The following PCSK2 variants were observed in gnomAD, a reference collection of about 807,000 sequenced individuals.
PCSK2 encodes neuroendocrine convertase 2.
PCSK2 carries 14 observed loss-of-function variants against 69.7 expected under a neutral mutation model. That is an observed-to-expected ratio of 0.20 (90% CI 0.13 to 0.31). The LOEUF is 0.31. Ranked by LOEUF, PCSK2 falls within the 10% of genes least tolerant of loss-of-function variation. PCSK2 has a pLI of 1.00. For missense variants in PCSK2, 544 were observed against 842.5 expected (o/e 0.65, Z 4.39); for synonymous variants, 307 against 320.7 (o/e 0.96, Z 0.46).
rs1316357570 is a variant in PCSK2 at position 17,482,736 on chromosome 20, G to A, written c.*666G>A. The A allele has an allele frequency of 1.3e-5, 2 of 152,470 alleles. No homozygotes were observed. The highest frequency in any genetic ancestry group is 2.9e-5 in the Non-Finnish European group (2 of 68,044). The allele number at this position is 152,470 out of a possible 1,614,324, so 9.4% of individuals were successfully genotyped here. On this transcript the variant is annotated 3_prime_UTR_variant, in exon 12 of 12. Transcript: ENST00000262545. ...CAAGATAATTCACTCTACTCAGCCG[G>A]CGTGGCAAATATAAAACTTACAGAG...
chr20:17,294,518 A>G (rs988838940), intron 2 of PCSK2, among the ~76,000 whole-genome samples: 1 of 152,064 alleles, frequency 6.6e-6, no homozygotes, highest in African/African-American at 2.4e-5. Flanking sequence ...CTGCCCTCAC[A>G]CATGAAGGTT....
At chr20:17,258,059 C>T (rs911761367) in intron 1 of PCSK2, among the ~76,000 whole-genome samples, 1 of 152,186 alleles carries the variant, frequency 6.6e-6, no homozygotes, top group Non-Finnish European at 1.5e-5. Context: ...ACAACAAATC[C>T]TATAAATGGA....
intron 2 of PCSK2, among the ~76,000 whole-genome samples, chr20:17,282,948 T>C (rs1008413972): frequency 2.0e-5 from 3 of 152,176 alleles, no homozygotes; most frequent in African/African-American, 7.2e-5. Context: ...CTTTTCTTCA[T>C]TGTTCATGGC....
chr20:17,301,710 A>G (rs1230756696), intron 2 of PCSK2, among the ~76,000 whole-genome samples: 2 of 152,162 alleles, frequency 1.3e-5, no homozygotes, highest in Non-Finnish European at 2.9e-5. Context: ...AGGCAGGCAG[A>G]TCATGAGGCC....
intron 2 of PCSK2, among the ~76,000 whole-genome samples, chr20:17,325,663 G>A (rs1990024284): frequency 6.6e-6 from 1 of 152,218 alleles, no homozygotes; most frequent in Non-Finnish European, 1.5e-5. Context: ...CGTGGGCTGG[G>A]GTAAACTGTT....
At chr20:17,413,125 A>G (rs1353238238) in intron 6 of PCSK2, among the ~76,000 whole-genome samples, 1 of 152,212 alleles carries the variant, frequency 6.6e-6, no homozygotes, top group Non-Finnish European at 1.5e-5. Context: ...TGCATCAACT[A>G]ACGGGCAAAA....
chr20:17,413,710 C>T lies in PCSK2; in HGVS notation c.620+4371C>T, dbSNP rs529478612. Among the ~76,000 whole-genome samples the T allele has an allele frequency of 1.3e-4, 20 of 152,286 alleles. No homozygotes were observed. In the East Asian group the frequency reaches 3.7e-3, roughly 28 times the overall value. ...ATAGACATCTACAGAATTCTCCACC[C>T]CAAATCAACAGAATATACATTCTTC... On this transcript the variant is annotated intron_variant, in intron 6 of 11. Transcript: ENST00000262545.
At chr20:17,341,808 A>G (rs183702405) in intron 2 of PCSK2, among the ~76,000 whole-genome samples, 4 of 152,278 alleles carry the variant, frequency 2.6e-5, no homozygotes. Flanking sequence ...ATGTGCTCTC[A>G]AAAGTCAGAC....
chr20:17,283,891 C>G (rs181522434), intron 2 of PCSK2, among the ~76,000 whole-genome samples: 24 of 152,310 alleles, frequency 1.6e-4, no homozygotes, highest in Admixed American at 1.6e-3. Context: ...ACAAACCTCT[C>G]TTTATGAGTA....
intron 6 of PCSK2, among the ~76,000 whole-genome samples, chr20:17,428,879 G>A (rs1163648138): frequency 6.6e-6 from 1 of 151,146 alleles, no homozygotes; most frequent in Non-Finnish European, 1.5e-5. Context: ...CACACCTGTG[G>A]TCCCAGCTAC....
At chr20:17,412,488 G>A (rs6034820) in intron 6 of PCSK2, among the ~76,000 whole-genome samples, 3,034 of 152,216 alleles carry the variant, frequency 0.02, 53 homozygotes, top group African/African-American at 0.041. Context: ...AGAAAAAAGA[G>A]TAAAAAGAAA....
At chr20:17,226,807 G>A (rs1036785246), upstream of PCSK2, among the ~76,000 whole-genome samples, 5 of 143,186 alleles carry the variant, frequency 3.5e-5, no homozygotes, top group African/African-American at 1.3e-4. Context: ...TCGCTGCGCT[G>A]CGCTGCGCTG....
intron 2 of PCSK2, among the ~76,000 whole-genome samples, chr20:17,348,721 G>C (rs1440868198): frequency 6.6e-6 from 1 of 152,196 alleles, no homozygotes; most frequent in Non-Finnish European, 1.5e-5. Context: ...CCTGTAGATG[G>C]CCGTCTTTTC....
At position 17,402,992 on chromosome 20, in the gene PCSK2, A is replaced by G. The variant is rs148993848; in HGVS notation, c.544-6271A>G. Among the ~76,000 whole-genome samples the G allele has an allele frequency of 5.3e-5, 8 of 152,264 alleles. No individual in the cohort carries two copies. In the East Asian group the frequency reaches 1.5e-3, roughly 29 times the overall value. ...AGAAAAGAAAAGAAGAAAAGAAAAC[A>G]TAAAATGTCCAGCCACCCAGGACAC... On this transcript the variant is annotated intron_variant, in intron 5 of 11. Coordinates refer to ENST00000262545, the MANE Select transcript of PCSK2 (RefSeq NM_002594.5).
chr20:17,308,240 A>G (rs1989390655), intron 2 of PCSK2, among the ~76,000 whole-genome samples: 1 of 152,204 alleles, frequency 6.6e-6, no homozygotes, highest in African/African-American at 2.4e-5. Context: ...CCCTGACCCA[A>G]CCACCTCCCA....
intron 2 of PCSK2, among the ~76,000 whole-genome samples, chr20:17,348,555 T>C (rs2029882452): frequency 6.6e-6 from 1 of 152,110 alleles, no homozygotes; most frequent in Non-Finnish European, 1.5e-5. Flanking sequence ...TGCTGGAGTG[T>C]CGTGTCAGTT....
chr20:17,258,618 A>G (rs1028139347), intron 1 of PCSK2, among the ~76,000 whole-genome samples: 4 of 152,160 alleles, frequency 2.6e-5, no homozygotes, highest in Non-Finnish European at 2.9e-5. Flanking sequence ...TGTACCATAA[A>G]CCCCATGACA....
intron 10 of PCSK2, among the ~76,000 whole-genome samples, chr20:17,457,318 A>G (rs1019547600): frequency 6.6e-6 from 1 of 152,342 alleles, no homozygotes; most frequent in Non-Finnish European, 1.5e-5. Context: ...GGCTCCCAGC[A>G]TCAATCTCTA....
intron 11 of PCSK2, 56 bp downstream of exon 11, chr20:17,465,609 C>T (rs1050880153): frequency 7.9e-5 from 83 of 1,045,778 alleles, no homozygotes; most frequent in Non-Finnish European, 1.1e-5. Flanking sequence ...TGAGATGGCT[C>T]CATGGCATTG....
Sources: gnomAD v4.1 joint callset for allele counts (sites outside exome capture counted in the v4.1 genomes callset) on GRCh38, gnomAD v4.1.1 for gene constraint, MANE v1.5 for transcripts, NCBI Gene and HGNC (gene_info 2026-07-23, HGNC 2026-07-21) for gene names.